The following PPP3CA variants were observed in gnomAD, a reference collection of about 807,000 sequenced individuals.
PPP3CA encodes the protein CAM-PRP catalytic subunit.
A neutral mutation model predicts 66.5 loss-of-function variants in PPP3CA; 14 were observed. The ratio of observed to expected loss-of-function variants is 0.21; its 90% confidence interval spans 0.14 to 0.33. PPP3CA has a LOEUF of 0.33. PPP3CA is among the 10% of genes least tolerant of loss of function. The probability of loss-of-function intolerance (pLI) is 1.00; values close to 1 mark genes in which losing one functional copy is unlikely to be tolerated. For missense variants in PPP3CA, 317 were observed against 639.5 expected (o/e 0.50, Z 5.44); for synonymous variants, 232 against 226.2 (o/e 1.03, Z -0.23).
At chr4:101,069,188 C>A (rs1355481421) in intron 8 of PPP3CA, among the ~76,000 whole-genome samples, 1 of 152,026 alleles carries the variant, frequency 6.6e-6, no homozygotes, top group African/African-American at 2.4e-5. Context: ...GCACACACCA[C>A]CATGCCTGGC....
Position 101,111,349 on chromosome 4 carries a change from G to A in PPP3CA, c.260-2271C>T, listed in dbSNP as rs182106837. Reference sequence around the variant, plus strand: ...TATGCAGCCCTTCACATGTCAATGGGTGTGACGCTGACACTTTGTATAGCC... The same window carrying A: ...TATGCAGCCCTTCACATGTCAATGGATGTGACGCTGACACTTTGTATAGCC... On this transcript the variant is annotated intron_variant, in intron 2 of 13. Transcript: ENST00000394854. Among the ~76,000 whole-genome samples, 295 of 152,222 alleles carry A rather than the reference G, an allele frequency of 1.9e-3. 2 individuals are homozygous for A. Among genetic ancestry groups the A allele is most frequent in the African/African-American group, 6.6e-3 (274 of 41,532 alleles).
At chr4:101,074,280 G>A (rs1199534628) in intron 8 of PPP3CA, among the ~76,000 whole-genome samples, 4 of 152,014 alleles carry the variant, frequency 2.6e-5, no homozygotes, top group Non-Finnish European at 5.9e-5. Flanking sequence ...CTTTCCTTTC[G>A]GAGACCCCTC....
chr4:101,247,247 C>T (rs569960010), intron 1 of PPP3CA, among the ~76,000 whole-genome samples: 10 of 151,938 alleles, frequency 6.6e-5, no homozygotes, highest in South Asian at 2.1e-4. Context: ...CTGGAACCTT[C>T]GCCTCCCGAG....
At chr4:101,199,560 T>C (rs1283367004) in intron 1 of PPP3CA, among the ~76,000 whole-genome samples, 1 of 152,196 alleles carries the variant, frequency 6.6e-6, no homozygotes, top group African/African-American at 2.4e-5. Flanking sequence ...CTTTCTCTAC[T>C]TCACAATTCC....
chr4:101,114,999 C>A (rs1177260920), intron 2 of PPP3CA, among the ~76,000 whole-genome samples: 1 of 151,848 alleles, frequency 6.6e-6, no homozygotes, highest in African/African-American at 2.4e-5. Context: ...GTGTATAAAG[C>A]CACCCACCAC....
At chr4:101,181,237 T>A (rs1439945830) in intron 2 of PPP3CA, among the ~76,000 whole-genome samples, 1 of 152,040 alleles carries the variant, frequency 6.6e-6, no homozygotes, top group Non-Finnish European at 1.5e-5. Flanking sequence ...AAAAATAACA[T>A]ACTAAGTATC....
At chr4:101,081,222 CT>C (rs1729426618) in intron 7 of PPP3CA, among the ~76,000 whole-genome samples, 1 of 151,834 alleles carries the variant, frequency 6.6e-6, no homozygotes, top group African/African-American at 2.4e-5. Flanking sequence ...GCATTTTTGC[CT>C]AGACTAAGTA....
chr4:101,320,515 C>T lies in PPP3CA; in HGVS notation c.58+26224G>A, dbSNP rs149438660. Among the ~76,000 whole-genome samples, 1,194 of 150,520 alleles carry T rather than the reference C, an allele frequency of 7.9e-3. 18 individuals carry two copies. The highest frequency in any genetic ancestry group is 0.027 in the African/African-American group (1,094 of 40,824). On this transcript the variant is annotated intron_variant, in intron 1 of 13. Coordinates refer to ENST00000394854, the MANE Select transcript of PPP3CA (RefSeq NM_000944.5). ...GTATACACACACACACACACACATA[C>T]ACAGACAATATGTCAATGTTTCCTC...
chr4:101,325,342 T>C (rs986085433), intron 1 of PPP3CA, among the ~76,000 whole-genome samples: 2 of 152,244 alleles, frequency 1.3e-5, no homozygotes, highest in Non-Finnish European at 2.9e-5. Flanking sequence ...GCAATGCTGA[T>C]GCTACTGTTA....
At chr4:101,167,433 T>C (rs1192390025) in intron 2 of PPP3CA, among the ~76,000 whole-genome samples, 3 of 152,228 alleles carry the variant, frequency 2.0e-5, no homozygotes, top group Admixed American at 6.5e-5. Flanking sequence ...CGAATATGTG[T>C]ACAAGTATTT....
chr4:101,056,502 G>A (rs986955498), intron 10 of PPP3CA, among the ~76,000 whole-genome samples: 2 of 152,058 alleles, frequency 1.3e-5, no homozygotes, highest in Non-Finnish European at 2.9e-5. Context: ...AAGTCAAGCT[G>A]ATAAGATAAA....
chr4:101,150,163 G>A (rs1723092916), intron 2 of PPP3CA, among the ~76,000 whole-genome samples: 1 of 152,052 alleles, frequency 6.6e-6, no homozygotes. Flanking sequence ...TAATCAGAAC[G>A]TTAGAGGAAA....
At chr4:101,286,905 C>T (rs1727862522) in intron 1 of PPP3CA, among the ~76,000 whole-genome samples, 1 of 152,070 alleles carries the variant, frequency 6.6e-6, no homozygotes, top group East Asian at 1.9e-4. Context: ...AGTACATTAG[C>T]TGCAGCAGCC....
At chr4:101,179,986 T>C (rs747983802) in intron 2 of PPP3CA, among the ~76,000 whole-genome samples, 1 of 152,048 alleles carries the variant, frequency 6.6e-6, no homozygotes, top group Non-Finnish European at 1.5e-5. Flanking sequence ...GTGCAGATAG[T>C]TATAATCTGC....
chr4:101,164,160 T>G (rs1300700740), intron 2 of PPP3CA, among the ~76,000 whole-genome samples: 1 of 55,160 alleles, frequency 1.8e-5, no homozygotes, highest in Non-Finnish European at 3.8e-5. Context: ...TGCTCAAATC[T>G]CCTCTCCTTC....
chr4:101,084,279 A>G (rs376481857), intron 6 of PPP3CA, among the ~76,000 whole-genome samples: 3 of 152,208 alleles, frequency 2.0e-5, no homozygotes, highest in East Asian at 3.8e-4. Context: ...TTATAAAAGA[A>G]AAGATAGTTT....
intron 10 of PPP3CA, among the ~76,000 whole-genome samples, chr4:101,056,455 G>A (rs555157584): frequency 8.5e-5 from 13 of 152,118 alleles, no homozygotes; most frequent in African/African-American, 1.2e-4. Context: ...TGCTATAGGC[G>A]CATCTCTAAA....
chr4:101,327,609 C>T (rs1219242560), intron 1 of PPP3CA, among the ~76,000 whole-genome samples: 2 of 151,904 alleles, frequency 1.3e-5, no homozygotes, highest in Admixed American at 1.3e-4. Context: ...TTTGATATTC[C>T]TATTTGAATA....
At chr4:101,281,992 C>T (rs533981106) in intron 1 of PPP3CA, among the ~76,000 whole-genome samples, 1 of 152,286 alleles carries the variant, frequency 6.6e-6, no homozygotes, top group Non-Finnish European at 1.5e-5. Flanking sequence ...ATGGAGCTTT[C>T]CATATCTACA....
Sources: gnomAD v4.1 joint callset for allele counts (sites outside exome capture counted in the v4.1 genomes callset) on GRCh38, gnomAD v4.1.1 for gene constraint, MANE v1.5 for transcripts, NCBI Gene and HGNC (gene_info 2026-07-23, HGNC 2026-07-21) for gene names.